CPQ: variants seen among roughly 807,000 people sequenced by gnomAD.
CPQ encodes Ser-Met dipeptidase.
Under a neutral mutation model 45.7 loss-of-function variants are expected in CPQ, and 37 were observed. The ratio of observed to expected loss-of-function variants is 0.81; its 90% CI spans 0.62 to 1.07. CPQ has a LOEUF of 1.07. Ranked by LOEUF, CPQ falls within the 50% of genes least tolerant of loss-of-function variation. The probability of loss-of-function intolerance (pLI) is 0.00; values close to 1 mark genes in which losing one functional copy is unlikely to be tolerated. For missense variants in CPQ, 537 were observed against 572.9 expected (o/e 0.94, Z 0.64); for synonymous variants, 186 against 205.8 (o/e 0.90, Z 0.82).
intron 1 of CPQ, among the ~76,000 whole-genome samples, chr8:96,775,306 T>A (rs1361075523): frequency 6.6e-6 from 1 of 152,126 alleles, no homozygotes; most frequent in Admixed American, 6.6e-5. Flanking sequence ...TTGTGTACAT[T>A]TTTAAATAAA....
chr8:96,667,101 C>A (rs1586350849), intron 1 of CPQ, among the ~76,000 whole-genome samples: 1 of 151,310 alleles, frequency 6.6e-6, no homozygotes, highest in South Asian at 2.1e-4. Context: ...ACTTCTCCCA[C>A]AAAAAAATCT....
At chr8:96,939,866 A>G (rs979497734) in intron 4 of CPQ, among the ~76,000 whole-genome samples, 7 of 152,196 alleles carry the variant, frequency 4.6e-5, no homozygotes, top group African/African-American at 1.7e-4. Context: ...AGGTTTACAC[A>G]TACTTGGCTT....
intron 3 of CPQ, among the ~76,000 whole-genome samples, chr8:96,837,063 C>T (rs990183455): frequency 2.6e-5 from 4 of 152,016 alleles, no homozygotes; most frequent in Non-Finnish European, 5.9e-5. Context: ...TTTGCTCTGA[C>T]AACAATTCAG....
At chr8:96,782,168 C>T (rs1424380979) in intron 1 of CPQ, among the ~76,000 whole-genome samples, 1 of 152,204 alleles carries the variant, frequency 6.6e-6, no homozygotes, top group Non-Finnish European at 1.5e-5. Context: ...TTTGTGGCAG[C>T]TCTGCTCCTG....
intron 4 of CPQ, among the ~76,000 whole-genome samples, chr8:96,882,483 G>A (rs1248348783): frequency 6.6e-6 from 1 of 152,178 alleles, no homozygotes; most frequent in African/African-American, 2.4e-5. Flanking sequence ...GGCTTGAAGG[G>A]TTTAGGATTA....
intron 4 of CPQ, among the ~76,000 whole-genome samples, chr8:96,899,289 G>A (rs1393067802): frequency 6.6e-6 from 1 of 152,128 alleles, no homozygotes; most frequent in Non-Finnish European, 1.5e-5. Flanking sequence ...GTTAAAATGT[G>A]ACTTTTTGTA....
intron 7 of CPQ, among the ~76,000 whole-genome samples, chr8:97,068,802 A>G (rs988738662): frequency 6.6e-6 from 1 of 152,244 alleles, no homozygotes; most frequent in African/African-American, 2.4e-5. Context: ...AAACAGACTC[A>G]TAAGGGTTAA....
At chr8:96,836,964 C>G (rs970987728) in intron 3 of CPQ, among the ~76,000 whole-genome samples, 1 of 152,118 alleles carries the variant, frequency 6.6e-6, no homozygotes, top group African/African-American at 2.4e-5. Context: ...GGACTCTTAA[C>G]TTGTATAATT....
intron 5 of CPQ, among the ~76,000 whole-genome samples, chr8:97,021,853 A>G (rs1809692949): frequency 6.6e-6 from 1 of 152,174 alleles, no homozygotes; most frequent in Non-Finnish European, 1.5e-5. Context: ...ACAGAATTTA[A>G]AAGCAAACAA....
chr8:97,130,817 T>C (rs1811941637), intron 7 of CPQ, among the ~76,000 whole-genome samples: 1 of 152,188 alleles, frequency 6.6e-6, no homozygotes, highest in Admixed American at 6.5e-5. Context: ...GTTTTGGAAT[T>C]CACAAAGCTT....
chr8:97,101,720 A>G (rs1344566063), intron 7 of CPQ, among the ~76,000 whole-genome samples: 1 of 151,830 alleles, frequency 6.6e-6, no homozygotes, highest in Non-Finnish European at 1.5e-5. Flanking sequence ...CCTACTTACT[A>G]TCCTAGAATC....
At chr8:96,659,273 T>G (rs1294127806) in intron 1 of CPQ, 1 of 152,194 alleles carries the variant, frequency 6.6e-6, no homozygotes, top group African/African-American at 2.4e-5. Flanking sequence ...TTGTCAAAAT[T>G]ACCATTTCAG....
At chr8:96,689,272 C>G (rs986566607) in intron 1 of CPQ, among the ~76,000 whole-genome samples, 9 of 151,134 alleles carry the variant, frequency 6.0e-5, no homozygotes, top group African/African-American at 1.9e-4. Flanking sequence ...CCAGTGGTGT[C>G]TGCTACCTCT....
chr8:96,788,116 A>G (rs1251584087), intron 2 of CPQ, among the ~76,000 whole-genome samples: 1 of 146,468 alleles, frequency 6.8e-6, no homozygotes, highest in Non-Finnish European at 1.5e-5. Flanking sequence ...TGAATACATT[A>G]TCGATCCCAT....
At chr8:96,661,955 T>C (rs1815706362) in intron 1 of CPQ, among the ~76,000 whole-genome samples, 1 of 152,240 alleles carries the variant, frequency 6.6e-6, no homozygotes, top group African/African-American at 2.4e-5. Context: ...CATTTGGTGT[T>C]GTCAGTATTA....
chr8:97,140,628 G>A (rs577497792), intron 7 of CPQ, among the ~76,000 whole-genome samples: 22 of 151,776 alleles, frequency 1.4e-4, no homozygotes, highest in Non-Finnish European at 2.4e-4. Context: ...AAAGATGTTC[G>A]GTTCCCCCCA....
chr8:96,720,617 G>A (rs900151425), intron 1 of CPQ, among the ~76,000 whole-genome samples: 5 of 152,072 alleles, frequency 3.3e-5, no homozygotes, highest in Admixed American at 6.5e-5. Context: ...GACTAGTTTA[G>A]TCTGTATTCA....
intron 5 of CPQ, among the ~76,000 whole-genome samples, chr8:96,997,679 A>G (rs905094404): frequency 1.3e-5 from 2 of 152,024 alleles, no homozygotes; most frequent in Non-Finnish European, 2.9e-5. Context: ...AATATGAAAA[A>G]GTATACTTTT....
chr8:97,023,987 GTTTACA>G (rs1809753999), intron 5 of CPQ, among the ~76,000 whole-genome samples: 1 of 152,134 alleles, frequency 6.6e-6, no homozygotes, highest in Non-Finnish European at 1.5e-5. Flanking sequence ...AACTCTCTTT[GTTTACA>G]TTTCCATCCT....
Sources: allele counts gnomAD v4.1 joint callset (sites outside exome capture counted in the v4.1 genomes callset), GRCh38; gene constraint gnomAD v4.1.1; transcripts MANE v1.5; gene names NCBI Gene and HGNC (gene_info 2026-07-23, HGNC 2026-07-21).